The following SIX5 variants were observed in gnomAD, a reference collection of about 807,000 sequenced individuals.
The protein encoded by SIX5 is homeobox protein SIX5.
Under a neutral mutation model 37.1 loss-of-function variants are expected in SIX5, and 21 were observed. The observed-to-expected ratio is 0.57, with a 90% CI of 0.40 to 0.81. The LOEUF (loss-of-function observed/expected upper bound fraction) is 0.81. Among genes scored for constraint, SIX5 ranks in the 40% least tolerant of loss-of-function variants. The probability of loss-of-function intolerance (pLI) is 0.00; values close to 1 mark genes in which losing one functional copy is unlikely to be tolerated. For missense variants in SIX5, 1,137 were observed against 1,025.1 expected (o/e 1.11, Z -1.49); for synonymous variants, 626 against 505.9 (o/e 1.24, Z -3.19).
Position 45,768,169 on chromosome 19 carries a change from G to C in SIX5, c.676C>G (p.Pro226Ala). 6.2e-7 allele frequency: 1 copy of C among 1,612,758 alleles called. No homozygotes were observed. The highest frequency in any genetic ancestry group is 8.5e-7 in the Non-Finnish European group (1 of 1,179,748). ...LKACYRGNRYPTPDEKRRLAT... is the reference protein window; with the variant it reads ...LKACYRGNRYATPDEKRRLAT... ...AGGCGGCGCTTCTCGTCCGGCGTGG[G>C]GTAGCGGTTGCCGCGGTAGCAGGCC... Residue 226 changes from proline (P) to alanine (A), a missense_variant, in exon 1 of 3, where the codon CCC becomes GCC. Around this residue, in one of 3 missense-constraint regions of SIX5, gnomAD observed 331 missense variants for 360.9 expected, o/e 0.92. Coordinates refer to ENST00000317578, the MANE Select transcript of SIX5 (RefSeq NM_175875.5).
In SIX5 at chr19:45,766,398, A is replaced by G. The variant is rs770720215; in HGVS notation, c.1561T>C (p.Ser521Pro). 1.1e-5 allele frequency: 18 copies of G among 1,588,236 alleles called. No individual in the cohort carries two copies. In the Middle Eastern group the frequency reaches 7.4e-4, roughly 65 times the overall value. ...TGCAGGGCAGTCACGCCCACCCCGG[A>G]GTTGATGAGGTGCACATTGGCAGGG... Reference protein sequence around the residue: ...AGPANVHLINSGVGVTALQLP... With the variant: ...AGPANVHLINPGVGVTALQLP... Residue 521 changes from serine (S) to proline (P), a missense_variant, in exon 2 of 3, where the codon TCC (serine) becomes CCC (proline). Around this residue, in one of 3 missense-constraint regions of SIX5, gnomAD observed 787 missense variants for 621.4 expected, o/e 1.27. Transcript: ENST00000317578.
At position 45,768,373 on chromosome 19, in the gene SIX5, C is replaced by T. The variant is rs80356461; in HGVS notation, c.472G>A (p.Ala158Thr). ...ESRPFPAAHH[A>T]FLQDLYLRAR... is the part of the protein sequence containing the mutation. ...CGCAGGTAGAGGTCCTGCAGGAAGG[C>T]GTGGTGGGCGGCGGGGAAGGGGCGG... The change falls in exon 1 of 3, where the codon GCC (alanine) becomes ACC (threonine). Residue 158 changes from alanine to threonine, a missense_variant. This residue lies in a region of SIX5 where 331 missense variants were observed against 360.9 expected (regional missense o/e 0.92). Coordinates refer to ENST00000317578, the MANE Select transcript of SIX5 (RefSeq NM_175875.5). 3.0e-4 allele frequency: 475 copies of T among 1,587,852 alleles called. No homozygotes were observed. Among genetic ancestry groups the T allele is most frequent in the Non-Finnish European group, 3.7e-4 (431 of 1,171,454 alleles).
Position 45,765,828 on chromosome 19 carries a change from G to A in SIX5, c.1893C>T (p.Ser631=). The A allele has an allele frequency of 6.2e-7, 1 of 1,602,144 alleles. No individual in the cohort carries two copies. Among genetic ancestry groups the A allele is most frequent in the Non-Finnish European group, 8.5e-7 (1 of 1,179,588 alleles). Reference sequence around the variant, plus strand: ...AGTCAGGGGAGAAGGGCAGGCTGGTGCTGGAGGTGGTGGCAGCGGCGGGGG... The same window carrying A: ...AGTCAGGGGAGAAGGGCAGGCTGGTACTGGAGGTGGTGGCAGCGGCGGGGG... ...QPPPAAATTS[S]TSLPFSPDSP... is the part of the protein sequence containing the mutation. Residue 631 remains serine, a synonymous_variant, in exon 3 of 3, where the codon AGC becomes AGT. Transcript: ENST00000317578.
chr19:45,767,120 G>A lies in SIX5; in HGVS notation c.839C>T (p.Ser280Phe). ...SDGNPTTEDE[S>F]SRSPEDLERG... ...CTCCAGGTCCTCAGGACTTCGGCTG[G>A]ACTCGTCCTCAGTCGTGGGATTCCC... is the stretch of plus-strand genomic sequence containing the variant. Residue 280 changes from serine (S) to phenylalanine (F), a missense_variant, in exon 2 of 3, where the codon TCC (serine) becomes TTC (phenylalanine). Around this residue, in one of 3 missense-constraint regions of SIX5, gnomAD observed 787 missense variants for 621.4 expected, o/e 1.27. Transcript: ENST00000317578. 1 of 1,612,362 alleles carries A rather than the reference G, an allele frequency of 6.2e-7. No homozygotes were observed. Among genetic ancestry groups the A allele is most frequent in the Non-Finnish European group, 8.5e-7 (1 of 1,179,880 alleles).
intron 1 of SIX5, among the ~76,000 whole-genome samples, chr19:45,767,415 G>C (rs1415113487): frequency 6.6e-6 from 1 of 152,216 alleles, no homozygotes; most frequent in African/African-American, 2.4e-5. Context: ...TGAGCTCCCA[G>C]GTTGCCCTAA....
chr19:45,766,226 G>A (rs1969071030), intron 2 of SIX5, 115 bp from the exon 3 acceptor site: 3 of 1,498,468 alleles, frequency 2.0e-6, no homozygotes, highest in East Asian at 2.5e-5. Context: ...GGTGGGCCTT[G>A]GGGCACTGGG....
Position 45,766,344 on chromosome 19 carries a change from G to A in SIX5, c.1609+6C>T, listed in dbSNP as rs1225543874. 1.3e-6 allele frequency: 2 copies of A among 1,576,350 alleles called. No individual in the cohort carries two copies. The highest frequency in any genetic ancestry group is 1.7e-6 in the Non-Finnish European group (2 of 1,162,348). On this transcript the variant is annotated splice_donor_region_variant and intron_variant, in intron 2 of 2. Coordinates refer to ENST00000317578, the MANE Select transcript of SIX5 (RefSeq NM_175875.5). ...ACCTAGGCCTGAGGGAGGGAGATGGGGGTACCTGGGGCAGTGGCCGAAGGC... is the reference window on the plus strand; with the variant it reads ...ACCTAGGCCTGAGGGAGGGAGATGGAGGTACCTGGGGCAGTGGCCGAAGGC...
In SIX5 at chr19:45,768,150, C is replaced by T. The variant is rs749019469; in HGVS notation, c.695G>A (p.Arg232His). ...GNRYPTPDEK[R>H]RLATLTGLSL... Reference sequence around the variant, plus strand: ...CAGGCCGGTGAGTGTGGCCAGGCGGCGCTTCTCGTCCGGCGTGGGGTAGCG... The same window carrying T: ...CAGGCCGGTGAGTGTGGCCAGGCGGTGCTTCTCGTCCGGCGTGGGGTAGCG... Residue 232 changes from arginine (R) to histidine (H), a missense_variant, in exon 1 of 3, where the codon CGC becomes CAC. Arg to His is a conservative substitution (Grantham distance 29). This residue lies in a region of SIX5 where 331 missense variants were observed against 360.9 expected (regional missense o/e 0.92). Coordinates refer to ENST00000317578, the MANE Select transcript of SIX5 (RefSeq NM_175875.5). The T allele has an allele frequency of 1.2e-6, 2 of 1,611,456 alleles. No homozygotes were observed. The highest frequency in any genetic ancestry group is 1.7e-5 in the Admixed American group (1 of 59,962).
rs1969147338 is a variant in SIX5 at position 45,768,695 on chromosome 19, G to C, written c.150C>G (p.Ala50=). 8.2e-7 allele frequency: 1 copy of C among 1,212,480 alleles called. No individual in the cohort carries two copies. The highest frequency in any genetic ancestry group is 1.0e-6 in the Non-Finnish European group (1 of 971,586). The allele number at this position is 1,212,480 out of a possible 1,614,324, so 75.1% of individuals were successfully genotyped here. A position where few individuals can be genotyped will look rare whatever the true frequency, so the allele number is the denominator to read the frequency against. The change falls in exon 1 of 3, where the codon GCC becomes GCG. Residue 50 remains alanine, a synonymous_variant. Transcript: ENST00000317578. ...CAGCCGCTGCGCCCGCCCCGGCCCC[G>C]GCCGCCGCCGCCGCCTCACCCTCGG... ...QAAEGEAAAA[A]GAGAGAAAAG... is the part of the protein sequence containing the mutation.
At position 45,768,606 on chromosome 19, in the gene SIX5, G is replaced by C. The variant is rs1411214747; in HGVS notation, c.239C>G (p.Pro80Arg). Residue 80 changes from proline (P) to arginine (R), a missense_variant, in exon 1 of 3, where the codon CCG becomes CGG. Physicochemically the swap from Pro to Arg is moderately radical, Grantham distance 103. Coordinates refer to ENST00000317578, the MANE Select transcript of SIX5 (RefSeq NM_175875.5). ...GGGCGAGAAGCGGAGGCCCGTGGGC[G>C]GTTCGGAAGCGGCCTCGGGGGGCGA... The part of the protein sequence containing the change: ...PGSPPEAASE[P>R]PTGLRFSPEQ... 1 of 1,292,134 alleles carries C rather than the reference G, an allele frequency of 7.7e-7. No homozygotes were observed. Among genetic ancestry groups the C allele is most frequent in the South Asian group, 2.7e-5 (1 of 37,264 alleles). 80.0% of individuals were successfully genotyped at this position (1,292,134 alleles called of 1,614,324 possible).
At chr19:45,767,355 A>T (rs750945358) in intron 1 of SIX5, among the ~76,000 whole-genome samples, 200 bp from the exon 2 acceptor site, 2 of 151,972 alleles carry the variant, frequency 1.3e-5, no homozygotes, top group Non-Finnish European at 2.9e-5. Context: ...AGCGCTGGGG[A>T]GGGAAGAGGC....
rs1466825969 is a variant in SIX5 at position 45,767,066 on chromosome 19, G to A, written c.893C>T (p.Ala298Val). Residue 298 changes from alanine (A) to valine (V), a missense_variant, in exon 2 of 3, where the codon GCC becomes GTC. Around this residue, in one of 3 missense-constraint regions of SIX5, gnomAD observed 787 missense variants for 621.4 expected, o/e 1.27. Transcript: ENST00000317578. The part of the protein sequence containing the change: ...ERGAAPVSAE[A>V]AAQGSIFLAG... ...CAGGAATATGGAGCCCTGGGCAGCG[G>A]CCTCGGCGGACACTGGGGCCGCCCC... 5 of 1,608,898 alleles carry A rather than the reference G, an allele frequency of 3.1e-6. No individual in the cohort carries two copies. The highest frequency in any genetic ancestry group is 4.2e-6 in the Non-Finnish European group (5 of 1,177,412).
chr19:45,768,267 G>A lies in SIX5; in HGVS notation c.578C>T (p.Pro193Leu), dbSNP rs776976433. 1.6e-5 allele frequency: 26 copies of A among 1,612,700 alleles called. No homozygotes were observed. The highest frequency in any genetic ancestry group is 1.1e-5 in the South Asian group (1 of 90,968). Reference protein sequence around the residue: ...VDKYRLRKKFPLPKTIWDGEE... With the variant: ...VDKYRLRKKFLLPKTIWDGEE... ...GCCGTCCCAGATGGTCTTGGGCAGCGGGAACTTCTTGCGCAGTCGATACTT... is the reference window on the plus strand; with the variant it reads ...GCCGTCCCAGATGGTCTTGGGCAGCAGGAACTTCTTGCGCAGTCGATACTT... The change falls in exon 1 of 3, where the codon CCG becomes CTG. Residue 193 changes from proline to leucine, a missense_variant. Physicochemically the swap from Pro to Leu is moderately conservative, Grantham distance 98 (BLOSUM62 -3). Transcript: ENST00000317578.
Position 45,769,095 on chromosome 19 carries a change from C to T in SIX5, c.-251G>A, listed in dbSNP as rs1298610584. 6.0e-6 allele frequency: 3 copies of T among 497,628 alleles called. No homozygotes were observed. The highest frequency in any genetic ancestry group is 2.0e-5 in the African/African-American group (1 of 50,204). The allele number at this position is 497,628 out of a possible 1,614,324, so 30.8% of individuals were successfully genotyped here. A position where few individuals can be genotyped will look rare whatever the true frequency, so the allele number is the denominator to read the frequency against. On this transcript the variant is annotated 5_prime_UTR_variant, in exon 1 of 3. Transcript: ENST00000317578. ...TTTGTTTTCCCTCCGCCTCTGGCCGCGCTTTCTGCCTCCCCCCAGCGTGTG... is the reference window on the plus strand; with the variant it reads ...TTTGTTTTCCCTCCGCCTCTGGCCGTGCTTTCTGCCTCCCCCCAGCGTGTG...
chr19:45,767,613 G>A (rs900185461), intron 1 of SIX5, among the ~76,000 whole-genome samples: 1 of 152,182 alleles, frequency 6.6e-6, no homozygotes, highest in Non-Finnish European at 1.5e-5. Context: ...CACAACAAAG[G>A]CAGAAGACGG....
At chr19:45,766,187 A>G in intron 2 of SIX5, 76 bp from the exon 3 acceptor site, 10 of 1,548,114 alleles carry the variant, frequency 6.5e-6, no homozygotes, top group Non-Finnish European at 8.7e-6. Context: ...GAGACTGTGC[A>G]GCTGGAGGGC....
At chr19:45,767,226 TC>T (rs1450719605) in intron 1 of SIX5, 71 bp from the exon 2 acceptor site, 1 of 1,495,886 alleles carries the variant, frequency 6.7e-7, no homozygotes, top group Non-Finnish European at 9.1e-7. Flanking sequence ...AGCCAGCTGC[TC>T]CCCCACCTTT....
In SIX5 at chr19:45,766,053, C is replaced by T. The variant is rs760475119; in HGVS notation, c.1668G>A (p.Leu556=). Residue 556 remains leucine (L), a synonymous_variant, in exon 3 of 3, where the codon CTG becomes CTA. Transcript: ENST00000317578. Reference sequence around the variant, plus strand: ...CGGTGAGGATGATCTTGCCCTGCTGCAGGGCCACACCCGTCACGATGGGGC... The same window carrying T: ...CGGTGAGGATGATCTTGCCCTGCTGTAGGGCCACACCCGTCACGATGGGGC... ...SGSPIVTGVA[L]QQGKIILTAT... 1.2e-6 allele frequency: 2 copies of T among 1,611,734 alleles called. No individual in the cohort carries two copies. Among genetic ancestry groups the T allele is most frequent in the African/African-American group, 1.3e-5 (1 of 74,876 alleles).
At position 45,765,938 on chromosome 19, in the gene SIX5, C is replaced by G; in HGVS notation, c.1783G>C (p.Val595Leu). 6.3e-7 allele frequency: 1 copy of G among 1,592,604 alleles called. No homozygotes were observed. The change falls in exon 3 of 3, where the codon GTG becomes CTG. Residue 595 changes from valine (V) to leucine (L), a missense_variant. Physicochemically the swap from Val to Leu is conservative, Grantham distance 32 (BLOSUM62 1). Coordinates refer to ENST00000317578, the MANE Select transcript of SIX5 (RefSeq NM_175875.5). ...LPLKPETAIS[V>L]PEGGLPVAPS... Reference sequence around the variant, plus strand: ...GCCACCGGGAGGCCTCCCTCAGGCACGGAGATGGCCGTCTCTGGCTTCAGT... The same window carrying G: ...GCCACCGGGAGGCCTCCCTCAGGCAGGGAGATGGCCGTCTCTGGCTTCAGT...
Sources: gnomAD v4.1 joint callset for allele counts (sites outside exome capture counted in the v4.1 genomes callset) on GRCh38, gnomAD v4.1.1 for gene constraint, gnomAD v4.1.1 regional missense constraint, MANE v1.5 for transcripts, NCBI Gene and HGNC (gene_info 2026-07-23, HGNC 2026-07-21) for gene names.